EAPP: variants seen among roughly 807,000 people sequenced by gnomAD.
The protein encoded by EAPP is E2F associated phosphoprotein.
Under a neutral mutation model 34.3 loss-of-function variants are expected in EAPP, and 38 were observed. That is an observed-to-expected ratio of 1.11 (90% CI 0.85 to 1.45). The LOEUF (loss-of-function observed/expected upper bound fraction) is 1.45. Among genes scored for constraint, EAPP ranks in the 40% most tolerant of loss-of-function variants. The probability of loss-of-function intolerance (pLI) is 0.00; values close to 1 mark genes in which losing one functional copy is unlikely to be tolerated. For missense variants in EAPP, 338 were observed against 343.7 expected (o/e 0.98, Z 0.13); for synonymous variants, 113 against 117.6 (o/e 0.96, Z 0.25).
intron 3 of EAPP, among the ~76,000 whole-genome samples, chr14:34,533,184 A>G (rs7148513): frequency 0.86 from 130,263 of 151,940 alleles, 55,964 homozygotes; most frequent in African/African-American, 0.88. Flanking sequence ...ACAGGCGTGC[A>G]CCACCATGCC....
chr14:34,516,939 A>AT (rs1879751917), intron 5 of EAPP, among the ~76,000 whole-genome samples: 3 of 89,610 alleles, frequency 3.3e-5, no homozygotes, highest in Non-Finnish European at 4.5e-5. Context: ...TTTGAAAGTA[A>AT]CTTTTTTTTT....
Position 34,516,380 on chromosome 14 carries a change from G to A in EAPP, c.788C>T (p.Ser263Phe), listed in dbSNP as rs746678806. Reference sequence around the variant, plus strand: ...CTTGTCGTAGACTGCCACTTCAGTGGAACATTCAGTGCACATGACTGGGTG... The same window carrying A: ...CTTGTCGTAGACTGCCACTTCAGTGAAACATTCAGTGCACATGACTGGGTG... ...IYHPVMCTEC[S>F]TEVAVYDKDE... The change falls in exon 6 of 6, where the codon TCC becomes TTC. Residue 263 changes from serine to phenylalanine, a missense_variant. Ser to Phe is a radical substitution (Grantham distance 155). Coordinates refer to ENST00000250454, the MANE Select transcript of EAPP (RefSeq NM_018453.4). 1.2e-6 allele frequency: 2 copies of A among 1,614,048 alleles called. No homozygotes were observed. The highest frequency in any genetic ancestry group is 2.7e-5 in the African/African-American group (2 of 74,930).
At chr14:34,536,299 G>T (rs1242371723) in intron 1 of EAPP, 24 bp from the exon 2 acceptor site, 1 of 1,525,568 alleles carries the variant, frequency 6.6e-7, no homozygotes, top group Non-Finnish European at 8.8e-7. Context: ...AAATCAAAAA[G>T]AATATGAATA....
At chr14:34,536,722 G>A (rs532237190) in intron 1 of EAPP, among the ~76,000 whole-genome samples, 1 of 151,402 alleles carries the variant, frequency 6.6e-6, no homozygotes, top group East Asian at 1.9e-4. Flanking sequence ...TTGTTTGTTT[G>A]TTTCTTTTGA....
intron 3 of EAPP, among the ~76,000 whole-genome samples, chr14:34,530,629 A>T (rs1880251496): frequency 6.6e-6 from 1 of 152,102 alleles, no homozygotes; most frequent in Non-Finnish European, 1.5e-5. Context: ...ATTTACCCAA[A>T]ACTGGTATCT....
intron 5 of EAPP, among the ~76,000 whole-genome samples, chr14:34,523,504 C>G (rs1171581516): frequency 6.8e-6 from 1 of 147,664 alleles, no homozygotes; most frequent in South Asian, 2.1e-4. Flanking sequence ...GGATTACAGG[C>G]GTGAGCCACC....
Position 34,529,479 on chromosome 14 carries a change from AT to A in EAPP, c.353-5del. 1 of 1,587,268 alleles carries A rather than the reference AT, an allele frequency of 6.3e-7. No homozygotes were observed. The highest frequency in any genetic ancestry group is 8.6e-7 in the Non-Finnish European group (1 of 1,159,996). ...TTTTTTTTCTTGGTCACCTGTACTA[AT>A]TTTGAAAATATTAGGATATGGCTAA... On this transcript the variant is annotated splice_polypyrimidine_tract_variant and splice_region_variant and intron_variant, in intron 3 of 5. Coordinates refer to ENST00000250454, the MANE Select transcript of EAPP (RefSeq NM_018453.4).
At chr14:34,528,702 T>C (rs1240436115) in intron 4 of EAPP, among the ~76,000 whole-genome samples, 1 of 151,318 alleles carries the variant, frequency 6.6e-6, no homozygotes, top group Non-Finnish European at 1.5e-5. Flanking sequence ...ATTACAGGTA[T>C]AAGCCACCAC....
intron 3 of EAPP, among the ~76,000 whole-genome samples, chr14:34,531,727 C>T (rs1880296573): frequency 1.3e-5 from 2 of 152,060 alleles, no homozygotes; most frequent in South Asian, 2.1e-4. Context: ...ATTGTAATTA[C>T]TGAAATAATT....
Position 34,530,845 on chromosome 14 carries a change from T to C in EAPP, c.353-1370A>G, listed in dbSNP as rs115941212. Among the ~76,000 whole-genome samples the C allele has an allele frequency of 5.0e-3, 695 of 139,430 alleles. 4 individuals are homozygous for C. The highest frequency in any genetic ancestry group is 0.018 in the African/African-American group (652 of 36,760). 91.5% of individuals were successfully genotyped at this position (139,430 alleles called of 152,430 possible). A position where few individuals can be genotyped will look rare whatever the true frequency, so the allele number is the denominator to read the frequency against. On this transcript the variant is annotated intron_variant, in intron 3 of 5. Coordinates refer to ENST00000250454, the MANE Select transcript of EAPP (RefSeq NM_018453.4). ...CTGTAATACCAGCACTTTGGGAGGA[T>C]TGCTTGAAGCCAGGAATTTGACACC...
At chr14:34,520,158 A>T (rs1879870321) in intron 5 of EAPP, among the ~76,000 whole-genome samples, 1 of 151,528 alleles carries the variant, frequency 6.6e-6, no homozygotes, top group African/African-American at 2.4e-5. Flanking sequence ...AAGTGCTAGG[A>T]TTACAGGCAT....
intron 5 of EAPP, among the ~76,000 whole-genome samples, chr14:34,522,840 C>T (rs1418803181): frequency 6.6e-6 from 1 of 152,168 alleles, no homozygotes; most frequent in Non-Finnish European, 1.5e-5. Context: ...TCTGGCTATC[C>T]TCAGGGATAT....
At chr14:34,533,372 A>T (rs2138222063) in intron 3 of EAPP, 72 bp downstream of exon 3, 2 of 1,269,370 alleles carry the variant, frequency 1.6e-6, no homozygotes, top group East Asian at 2.3e-5. Flanking sequence ...GGGAAATCCT[A>T]ACATCTAATA....
In EAPP at chr14:34,529,489, T is replaced by C; in HGVS notation, c.353-14A>G. The C allele has an allele frequency of 1.3e-6, 2 of 1,537,750 alleles. No homozygotes were observed. Among genetic ancestry groups the C allele is most frequent in the Non-Finnish European group, 1.8e-6 (2 of 1,116,170 alleles). On this transcript the variant is annotated splice_polypyrimidine_tract_variant and intron_variant, in intron 3 of 5. Coordinates refer to ENST00000250454, the MANE Select transcript of EAPP (RefSeq NM_018453.4). The stretch of plus-strand genomic sequence containing the variant: ...TGGTCACCTGTACTAATTTTGAAAA[T>C]ATTAGGATATGGCTAAGAATCATGT...
intron 3 of EAPP, among the ~76,000 whole-genome samples, chr14:34,530,026 G>GA (rs60938160): frequency 0.82 from 123,080 of 150,846 alleles, 50,439 homozygotes; most frequent in Non-Finnish European, 0.85. Flanking sequence ...CAAAGAAAAA[G>GA]AAAATAATAA....
intron 5 of EAPP, among the ~76,000 whole-genome samples, chr14:34,517,135 T>G (rs1239415936): frequency 1.3e-5 from 2 of 151,698 alleles, no homozygotes; most frequent in East Asian, 3.9e-4. Context: ...AGATGGGGTT[T>G]CATTGTGTTA....
chr14:34,516,587 C>T lies in EAPP; in HGVS notation c.582-1G>A. On this transcript the variant is annotated splice_acceptor_variant, in intron 5 of 5. Transcript: ENST00000250454. LOFTEE classifies it high-confidence loss of function. ...ATATTGAGTTTTGTATGATTCATGC[C>T]TAAGAGAAAAATGAAATGGAGAATT... 1.3e-6 allele frequency: 2 copies of T among 1,598,514 alleles called. No homozygotes were observed. The highest frequency in any genetic ancestry group is 1.7e-6 in the Non-Finnish European group (2 of 1,174,302).
At chr14:34,520,727 T>C (rs1045365574) in intron 5 of EAPP, among the ~76,000 whole-genome samples, 9 of 151,840 alleles carry the variant, frequency 5.9e-5, no homozygotes, top group Non-Finnish European at 1.2e-4. Flanking sequence ...TGTCTCAAAC[T>C]CCCTGCCTCA....
chr14:34,523,526 G>GTT lies in EAPP; in HGVS notation c.581+1169_581+1170dup, dbSNP rs10668919. Among the ~76,000 whole-genome samples, 47 of 119,506 alleles carry GTT rather than the reference G, an allele frequency of 3.9e-4. 4 individuals are homozygous for GTT. The highest frequency in any genetic ancestry group is 5.5e-4 in the South Asian group (2 of 3,668). The allele number at this position is 119,506 out of a possible 152,430, so 78.4% of individuals were successfully genotyped here. A position where few individuals can be genotyped will look rare whatever the true frequency, so the allele number is the denominator to read the frequency against. ...AGGCGTGAGCCACCACGCCCAGCCCGTTTTTTTTTTTTTTTTGGAGAGAGA... is the reference window on the plus strand; with the variant it reads ...AGGCGTGAGCCACCACGCCCAGCCCGTTTTTTTTTTTTTTTTTTGGAGAGAGA... On this transcript the variant is annotated intron_variant, in intron 5 of 5. Coordinates refer to ENST00000250454, the MANE Select transcript of EAPP (RefSeq NM_018453.4).
Sources: allele counts gnomAD v4.1 joint callset (sites outside exome capture counted in the v4.1 genomes callset), GRCh38; gene constraint gnomAD v4.1.1; transcripts MANE v1.5; gene names NCBI Gene and HGNC (gene_info 2026-07-23, HGNC 2026-07-21).